CRYBG1: variants seen among roughly 807,000 people sequenced by gnomAD.
CRYBG1 encodes the protein crystallin beta-gamma domain containing 1, also known as beta/gamma crystallin domain-containing protein 1.
In CRYBG1, 139 loss-of-function variants were observed where a neutral mutation model predicts 189.2. The observed-to-expected ratio is 0.73, with a 90% CI of 0.64 to 0.85. CRYBG1 has a LOEUF of 0.85. Among genes scored for constraint, CRYBG1 ranks in the 40% least tolerant of loss-of-function variants. The pLI is 0.00. For missense variants in CRYBG1, 2,611 were observed against 2,675.8 expected (o/e 0.98, Z 0.53); for synonymous variants, 1,023 against 1,017.1 (o/e 1.01, Z -0.11).
At chr6:106,361,975 T>TCTTTCTTTC (rs373178193) in intron 1 of CRYBG1, among the ~76,000 whole-genome samples, 90 of 129,556 alleles carry the variant, frequency 6.9e-4, no homozygotes, top group East Asian at 1.6e-3. Flanking sequence ...CTTTCTTTTT[T>TCTTTCTTTC]TTTTTTTTTT....
rs556499184 is a variant in CRYBG1 at position 106,447,094 on chromosome 6, G to A, written c.174-4600G>A. Among the ~76,000 whole-genome samples the A allele has an allele frequency of 1.4e-4, 21 of 152,310 alleles. No homozygotes were observed. The South Asian group carries it at 3.9e-3, about 29-fold the overall frequency. ...AGGGAGGTACAAAGGAGTATAATTA[G>A]CAAGTTAATAAATTATCCTCTGCTA... is the stretch of plus-strand genomic sequence containing the variant. On this transcript the variant is annotated intron_variant, in intron 1 of 21. Coordinates refer to ENST00000633556, the MANE Select transcript of CRYBG1 (RefSeq NM_001371242.2).
intron 1 of CRYBG1, among the ~76,000 whole-genome samples, chr6:106,366,857 G>A (rs1305696044): frequency 1.3e-5 from 2 of 152,216 alleles, no homozygotes; most frequent in African/African-American, 4.8e-5. Flanking sequence ...AGTAATGGTA[G>A]TAGTATTAAT....
At chr6:106,530,421 G>A in intron 8 of CRYBG1, 106 bp downstream of exon 8, 1 of 1,103,752 alleles carries the variant, frequency 9.1e-7, no homozygotes, top group East Asian at 2.5e-5. Flanking sequence ...ATCCTGTTAA[G>A]TAATTATTAA....
chr6:106,506,284 G>C (rs1454876017), intron 2 of CRYBG1, among the ~76,000 whole-genome samples: 1 of 152,118 alleles, frequency 6.6e-6, no homozygotes, highest in African/African-American at 2.4e-5. Context: ...CTAGCTGTCA[G>C]TCCCCCATGC....
intron 2 of CRYBG1, among the ~76,000 whole-genome samples, chr6:106,464,221 G>A (rs577841053): frequency 9.2e-5 from 14 of 152,218 alleles, no homozygotes; most frequent in African/African-American, 2.6e-4. Flanking sequence ...TTGGCCAGGC[G>A]CAGTGGCTCA....
chr6:106,566,167 G>GAAAAAAA (rs34366986), intron 21 of CRYBG1, among the ~76,000 whole-genome samples: 56 of 123,914 alleles, frequency 4.5e-4, no homozygotes, highest in African/African-American at 1.5e-3. Context: ...GCACCAGCGT[G>GAAAAAAA]AAAAAAAAAA....
chr6:106,423,804 C>T (rs955538574), intron 1 of CRYBG1, among the ~76,000 whole-genome samples: 1 of 141,154 alleles, frequency 7.1e-6, no homozygotes, highest in Admixed American at 7.7e-5. Flanking sequence ...CTCCGGGGTT[C>T]AAGTGATCCT....
chr6:106,511,979 G>A lies in CRYBG1; in HGVS notation c.862G>A (p.Glu288Lys). 6.5e-7 allele frequency: 1 copy of A among 1,530,060 alleles called. No individual in the cohort carries two copies. The highest frequency in any genetic ancestry group is 8.7e-7 in the Non-Finnish European group (1 of 1,143,358). The allele number at this position is 1,530,060 out of a possible 1,614,324, so 94.8% of individuals were successfully genotyped here. A position where few individuals can be genotyped will look rare whatever the true frequency, so the allele number is the denominator to read the frequency against. ...TTCACCAGGTGCTGGCCACGAACAG[G>A]AGGCTTTCCTGGGTGTGAGGGGTGC... ...DASPGAGHEQ[E>K]AFLGVRGAPG... The change falls in exon 3 of 22, where the codon GAG becomes AAG. Residue 288 changes from glutamate to lysine, a missense_variant. Around this residue, in one of 3 missense-constraint regions of CRYBG1, gnomAD observed 985 missense variants for 924.4 expected, o/e 1.07. Transcript: ENST00000633556.
intron 1 of CRYBG1, among the ~76,000 whole-genome samples, chr6:106,405,630 G>A (rs1039172478): frequency 1.3e-5 from 2 of 152,220 alleles, no homozygotes; most frequent in Non-Finnish European, 2.9e-5. Flanking sequence ...CCTCATACAG[G>A]AGAGCTCTGG....
rs772498261 is a variant in CRYBG1, at chr6:106,527,385, G to C, written c.4493G>C (p.Trp1498Ser). Residue 1498 changes from tryptophan (W) to serine (S), a missense_variant, in exon 7 of 22, where the codon TGG becomes TCG. Physicochemically the swap from Trp to Ser is radical, Grantham distance 177 (BLOSUM62 -3). This residue lies in a region of CRYBG1 where 1,622 missense variants were observed against 1,735.0 expected (regional missense o/e 0.93). Coordinates refer to ENST00000633556, the MANE Select transcript of CRYBG1 (RefSeq NM_001371242.2). ...EEGELELSGL[W>S]GIEDILERHE... is the part of the protein sequence containing the mutation. ...GGAGAATTGGAACTCTCTGGTCTCT[G>C]GGGTATAGAAGACATTTTGGAAAGG... 1 of 1,613,744 alleles carries C rather than the reference G, an allele frequency of 6.2e-7. No homozygotes were observed. The highest frequency in any genetic ancestry group is 8.5e-7 in the Non-Finnish European group (1 of 1,179,844).
At chr6:106,514,330 C>G (rs1773369614) in intron 3 of CRYBG1, among the ~76,000 whole-genome samples, 1 of 152,194 alleles carries the variant, frequency 6.6e-6, no homozygotes, top group African/African-American at 2.4e-5. Context: ...ATTTTAACAA[C>G]ATTATCATTA....
intron 1 of CRYBG1, among the ~76,000 whole-genome samples, chr6:106,413,082 G>A (rs1770959207): frequency 1.3e-5 from 2 of 152,218 alleles, no homozygotes; most frequent in South Asian, 4.1e-4. Flanking sequence ...ACATTCTCAG[G>A]TAACCCTGCT....
intron 2 of CRYBG1, among the ~76,000 whole-genome samples, chr6:106,467,298 C>T (rs1772132966): frequency 6.6e-6 from 1 of 151,664 alleles, no homozygotes; most frequent in African/African-American, 2.4e-5. Flanking sequence ...TTGGAGAGAT[C>T]TTGTCTCTCC....
At chr6:106,445,716 C>T (rs1234962153) in intron 1 of CRYBG1, among the ~76,000 whole-genome samples, 1 of 152,206 alleles carries the variant, frequency 6.6e-6, no homozygotes, top group Non-Finnish European at 1.5e-5. Context: ...AAGTAACTAG[C>T]TCAAGATCAT....
intron 1 of CRYBG1, among the ~76,000 whole-genome samples, chr6:106,420,309 A>G (rs1771099498): frequency 6.6e-6 from 1 of 152,270 alleles, no homozygotes; most frequent in Non-Finnish European, 1.5e-5. Context: ...AGAGAGGGTC[A>G]TAAGGCAGAT....
At chr6:106,472,642 C>T (rs1002700897) in intron 2 of CRYBG1, among the ~76,000 whole-genome samples, 3 of 151,764 alleles carry the variant, frequency 2.0e-5, no homozygotes, top group African/African-American at 4.8e-5. Context: ...TGCCTGTAAT[C>T]CCAGCACTTT....
At chr6:106,443,442 C>A (rs1050804913) in intron 1 of CRYBG1, among the ~76,000 whole-genome samples, 8 of 152,306 alleles carry the variant, frequency 5.3e-5, no homozygotes, top group Non-Finnish European at 1.2e-4. Flanking sequence ...TGAGAGAAAT[C>A]TTTCCCTTCA....
chr6:106,488,819 C>T (rs1772651092), intron 2 of CRYBG1, among the ~76,000 whole-genome samples: 1 of 152,012 alleles, frequency 6.6e-6, no homozygotes, highest in African/African-American at 2.4e-5. Context: ...ATTGTAGGCA[C>T]CTGTGGGAAT....
intron 1 of CRYBG1, among the ~76,000 whole-genome samples, chr6:106,423,845 C>T (rs1771177644): frequency 1.3e-5 from 2 of 151,766 alleles, no homozygotes; most frequent in African/African-American, 4.8e-5. Context: ...GCTGGAACTA[C>T]AGGCCCACAC....
Sources: gnomAD v4.1 joint callset for allele counts (sites outside exome capture counted in the v4.1 genomes callset) on GRCh38, gnomAD v4.1.1 for gene constraint, gnomAD v4.1.1 regional missense constraint, MANE v1.5 for transcripts, NCBI Gene and HGNC (gene_info 2026-07-23, HGNC 2026-07-21) for gene names.